ARHGAP28: variants seen among roughly 807,000 people sequenced by gnomAD.
ARHGAP28 encodes the protein rho GTPase-activating protein 28.
Under a neutral mutation model 90.7 loss-of-function variants are expected in ARHGAP28, and 56 were observed. The observed-to-expected ratio is 0.62, with a 90% CI of 0.50 to 0.77. The LOEUF is 0.77. Ranked by LOEUF, ARHGAP28 falls within the 30% of genes least tolerant of loss-of-function variation. The probability of loss-of-function intolerance (pLI) is 0.00; values close to 1 mark genes in which losing one functional copy is unlikely to be tolerated. For synonymous variants in ARHGAP28, 308 were observed against 323.3 expected, an observed-to-expected ratio of 0.95 and a Z score of 0.51; for missense variants, 869 against 900.9, an observed-to-expected ratio of 0.96 and a Z score of 0.45.
intron 2 of ARHGAP28, among the ~76,000 whole-genome samples, chr18:6,827,136 CT>C (rs2056671468): frequency 6.6e-6 from 1 of 152,232 alleles, no homozygotes; most frequent in African/African-American, 2.4e-5. Context: ...TCTTCCCCAC[CT>C]TTCCCCGCTT....
intron 10 of ARHGAP28, 70 bp from the exon 11 acceptor site, chr18:6,882,066 GT>G (rs2057182754): frequency 6.9e-7 from 1 of 1,455,640 alleles, no homozygotes; most frequent in African/African-American, 1.4e-5. Context: ...TATAAGAACA[GT>G]TTTCGAAGGG....
intron 1 of ARHGAP28, among the ~76,000 whole-genome samples, chr18:6,805,896 A>T (rs2056515548): frequency 2.0e-5 from 3 of 149,298 alleles, no homozygotes; most frequent in African/African-American, 7.4e-5. Flanking sequence ...TTTTTTTAAA[A>T]TTTTTTGGAG....
intron 5 of ARHGAP28, among the ~76,000 whole-genome samples, chr18:6,866,706 C>A (rs1053801100): frequency 6.6e-6 from 1 of 152,142 alleles, no homozygotes; most frequent in Non-Finnish European, 1.5e-5. Flanking sequence ...CCAAGAAAGT[C>A]CCATAATTAT....
At position 6,873,524 on chromosome 18, in the gene ARHGAP28, C is replaced by T; in HGVS notation, c.1070C>T (p.Ala357Val). The change falls in exon 8 of 18, where the codon GCC becomes GTC. Residue 357 changes from alanine to valine, a missense_variant. By Grantham distance (64) the Ala-to-Val change is moderately conservative. Transcript: ENST00000383472. ...ATTGAATTGACTGCCTTTTTTGATG[C>T]CTTTGGAATTCAACTGAAAAGGAAC... ...SLIELTAFFD[A>V]FGIQLKRNKT... 1.2e-6 allele frequency: 2 copies of T among 1,613,946 alleles called. No individual in the cohort carries two copies. Among genetic ancestry groups the T allele is most frequent in the Non-Finnish European group, 1.7e-6 (2 of 1,179,982 alleles).
intron 14 of ARHGAP28, among the ~76,000 whole-genome samples, chr18:6,894,197 A>T (rs2057288307): frequency 6.6e-6 from 1 of 151,956 alleles, no homozygotes; most frequent in Admixed American, 6.6e-5. Flanking sequence ...TTTAATTTTG[A>T]TTGGAATAGA....
At chr18:6,763,856 G>A (rs986227366) in intron 1 of ARHGAP28, among the ~76,000 whole-genome samples, 14 of 152,210 alleles carry the variant, frequency 9.2e-5, no homozygotes, top group African/African-American at 3.1e-4. Context: ...ACAGCGCTCT[G>A]AGCTTCTCCC....
At chr18:6,864,739 C>A (rs752946260) in intron 5 of ARHGAP28, among the ~76,000 whole-genome samples, 4 of 152,080 alleles carry the variant, frequency 2.6e-5, no homozygotes, top group Non-Finnish European at 5.9e-5. Context: ...GGCTGGAGTG[C>A]AATGGCATGA....
intron 1 of ARHGAP28, among the ~76,000 whole-genome samples, chr18:6,785,662 A>G (rs1337424455): frequency 6.6e-6 from 1 of 152,190 alleles, no homozygotes; most frequent in East Asian, 1.9e-4. Flanking sequence ...GCCAACCAGC[A>G]GGTTTGAGAA....
chr18:6,749,733 A>G (rs559685031), intron 1 of ARHGAP28, among the ~76,000 whole-genome samples: 25 of 152,148 alleles, frequency 1.6e-4, no homozygotes, highest in Non-Finnish European at 2.6e-4. Flanking sequence ...ACTCTTTCTC[A>G]GGCCTTGGTA....
intron 1 of ARHGAP28, among the ~76,000 whole-genome samples, chr18:6,739,569 C>T (rs576543238): frequency 6.7e-6 from 1 of 150,290 alleles, no homozygotes; most frequent in Non-Finnish European, 1.5e-5. Flanking sequence ...GTCTGAAATA[C>T]TTATTTAAGA....
chr18:6,747,756 A>G (rs779478316), intron 1 of ARHGAP28, among the ~76,000 whole-genome samples: 2 of 152,218 alleles, frequency 1.3e-5, no homozygotes, highest in Non-Finnish European at 2.9e-5. Flanking sequence ...CTAATCATAA[A>G]CATATGCTGG....
At chr18:6,884,719 G>T (rs928047380) in intron 11 of ARHGAP28, among the ~76,000 whole-genome samples, 1 of 152,166 alleles carries the variant, frequency 6.6e-6, no homozygotes, top group African/African-American at 2.4e-5. Context: ...TTGTGGGTCA[G>T]CCAGAGATTT....
chr18:6,817,296 G>A (rs2056597877), intron 1 of ARHGAP28, among the ~76,000 whole-genome samples: 1 of 151,500 alleles, frequency 6.6e-6, no homozygotes, highest in South Asian at 2.1e-4. Flanking sequence ...TCCAGCCTGA[G>A]CTACAGAGCA....
At chr18:6,771,575 T>C (rs2056243178) in intron 1 of ARHGAP28, among the ~76,000 whole-genome samples, 1 of 152,220 alleles carries the variant, frequency 6.6e-6, no homozygotes, top group African/African-American at 2.4e-5. Context: ...TTTTATAAAA[T>C]GGACAAATAA....
intron 1 of ARHGAP28, among the ~76,000 whole-genome samples, chr18:6,736,999 C>T (rs1231572158): frequency 2.4e-5 from 2 of 82,274 alleles, no homozygotes; most frequent in Non-Finnish European, 6.5e-5. Context: ...TTTCTCATTC[C>T]ATCCTCAAAC....
At chr18:6,865,968 G>T (rs896494126) in intron 5 of ARHGAP28, among the ~76,000 whole-genome samples, 6 of 152,112 alleles carry the variant, frequency 3.9e-5, no homozygotes, top group Admixed American at 1.3e-4. Flanking sequence ...GCTTTAAATG[G>T]GGGTGGTCTT....
intron 2 of ARHGAP28, 67 bp from the exon 3 acceptor site, chr18:6,837,130 G>A: frequency 8.6e-7 from 1 of 1,166,830 alleles, no homozygotes; most frequent in Non-Finnish European, 1.2e-6. Context: ...CTTCTTGTCT[G>A]ATATTCACAT....
chr18:6,835,860 T>C (rs2056749265), intron 2 of ARHGAP28, among the ~76,000 whole-genome samples: 1 of 152,170 alleles, frequency 6.6e-6, no homozygotes, highest in African/African-American at 2.4e-5. Context: ...AATACATTGA[T>C]TTAAAAAAAA....
At chr18:6,886,269 TTCCTC>T (rs2057220456) in intron 11 of ARHGAP28, among the ~76,000 whole-genome samples, 1 of 152,120 alleles carries the variant, frequency 6.6e-6, no homozygotes, top group Admixed American at 6.5e-5. Context: ...ACATAATGCT[TTCCTC>T]CAAGAACTCC....
Sources: gnomAD v4.1 joint callset for allele counts (sites outside exome capture counted in the v4.1 genomes callset) on GRCh38, gnomAD v4.1.1 for gene constraint, MANE v1.5 for transcripts, NCBI Gene and HGNC (gene_info 2026-07-23, HGNC 2026-07-21) for gene names.